The following DCAF8L2 variants were observed in gnomAD, a reference collection of about 807,000 sequenced individuals.
The protein encoded by DCAF8L2 is DDB1 and CUL4 associated factor 8 like 2, also known as DDB1- and CUL4-associated factor 8-like protein 2.
For synonymous variants in DCAF8L2, 200 were observed against 190.9 expected, an observed-to-expected ratio of 1.05 and a Z score of -0.39; for missense variants, 430 against 490.7, an observed-to-expected ratio of 0.88 and a Z score of 1.17.
the DCAF8L2 span, among the ~76,000 whole-genome samples, chrX:27,581,677 G>A: frequency 1.9e-5 from 2 of 107,689 alleles, no homozygotes; most frequent in African/African-American, 3.4e-5. Context: ...CCCACCTCCC[G>A]GGTTCAAGTG....
chrX:27,526,161 A>G, the DCAF8L2 span, among the ~76,000 whole-genome samples: 3 of 112,029 alleles, frequency 2.7e-5, no homozygotes, highest in African/African-American at 9.7e-5. Context: ...TTTCAGGTAC[A>G]CCAATCAGAC....
intron 4 of DCAF8L2, among the ~76,000 whole-genome samples, chrX:27,732,730 A>G (rs1202768034): frequency 9.0e-6 from 1 of 111,608 alleles, no homozygotes; most frequent in Non-Finnish European, 1.9e-5. Context: ...CTTTAGGTAT[A>G]TAACCAGAAA....
intron 3 of DCAF8L2, among the ~76,000 whole-genome samples, chrX:27,706,244 T>TTTATTA (rs762646134): frequency 9.0e-6 from 1 of 111,164 alleles, no homozygotes; most frequent in African/African-American, 3.3e-5. Flanking sequence ...CTCCAGTTTC[T>TTTATTA]TTATGATTAT....
the DCAF8L2 span, among the ~76,000 whole-genome samples, chrX:27,527,031 A>G: frequency 1.8e-5 from 2 of 111,824 alleles, no homozygotes; most frequent in Non-Finnish European, 3.8e-5. Context: ...ATGCTAGGAG[A>G]ACCACTACTC....
In DCAF8L2 at chrX:27,747,300, G is replaced by A. The variant is rs866365853; in HGVS notation, c.405G>A (p.Glu135=). The A allele has an allele frequency of 2.3e-5, 25 of 1,084,637 alleles. No individual in the cohort carries two copies. Among genetic ancestry groups the A allele is most frequent in the Non-Finnish European group, 2.9e-5 (24 of 822,951 alleles). The allele number at this position is 1,084,637 out of a possible 1,213,427, so 89.4% of individuals were successfully genotyped here. ...AGGAGGAAGAGGAGGAGGAGGAGGA[G>A]GAGGAGGAGGAGGAGGAGGAGGAGG... ...GEEEEEEEEE[E]EEEEEEEEEE... The change falls in exon 5 of 5, where the codon GAG becomes GAA. Residue 135 remains glutamate, a synonymous_variant. Coordinates refer to ENST00000451261, the MANE Select transcript of DCAF8L2 (RefSeq NM_001353450.2).
chrX:27,604,856 G>A (rs1482513464), intron 1 of DCAF8L2, among the ~76,000 whole-genome samples: 1 of 112,102 alleles, frequency 8.9e-6, no homozygotes, highest in African/African-American at 3.2e-5. Flanking sequence ...ATAATAGGCA[G>A]TCTGATGGTG....
chrX:27,629,994 T>C (rs1293035104), intron 1 of DCAF8L2, among the ~76,000 whole-genome samples: 1 of 111,801 alleles, frequency 8.9e-6, no homozygotes, highest in Non-Finnish European at 1.9e-5. Context: ...CAATCTTTTG[T>C]AGTTTTCAGT....
chrX:27,470,993 A>G, the DCAF8L2 span, among the ~76,000 whole-genome samples: 10 of 111,499 alleles, frequency 9.0e-5, no homozygotes, highest in Non-Finnish European at 1.7e-4. Context: ...ATTCGATGTC[A>G]TTAACACCAC....
the DCAF8L2 span, among the ~76,000 whole-genome samples, chrX:27,522,918 C>G: frequency 6.7e-4 from 75 of 111,547 alleles, no homozygotes; most frequent in African/African-American, 2.3e-3. Context: ...CTTACTAGCC[C>G]GTTCATGTAC....
At chrX:27,595,557 A>G (rs913469573) in intron 1 of DCAF8L2, among the ~76,000 whole-genome samples, 1 of 112,052 alleles carries the variant, frequency 8.9e-6, no homozygotes, top group African/African-American at 3.2e-5. Flanking sequence ...ATTTCCTGTC[A>G]TAACTCCATT....
intron 1 of DCAF8L2, among the ~76,000 whole-genome samples, chrX:27,623,356 G>GA (rs1343100966): frequency 1.4e-4 from 16 of 111,429 alleles, no homozygotes; most frequent in Non-Finnish European, 1.9e-5. Context: ...AGAGAAGATG[G>GA]AAAAGGCTGT....
At chrX:27,584,514 A>AC in the DCAF8L2 span, among the ~76,000 whole-genome samples, 1 of 108,686 alleles carries the variant, frequency 9.2e-6, no homozygotes, top group Non-Finnish European at 1.9e-5. Flanking sequence ...TTTAAAAAAA[A>AC]CACTATCTCA....
At chrX:27,692,692 T>C (rs1480882373) in intron 3 of DCAF8L2, among the ~76,000 whole-genome samples, 1 of 112,076 alleles carries the variant, frequency 8.9e-6, no homozygotes, top group Non-Finnish European at 1.9e-5. Context: ...GTTGTTTATC[T>C]ACTTTGGTGA....
intron 2 of DCAF8L2, chrX:27,633,445 C>G (rs1238173540): frequency 8.9e-6 from 1 of 111,791 alleles, no homozygotes; most frequent in Non-Finnish European, 1.9e-5. Flanking sequence ...AGAATATAAG[C>G]CAATAGAGCC....
the DCAF8L2 span, among the ~76,000 whole-genome samples, chrX:27,547,883 C>CTCTCTT: frequency 2.2e-4 from 8 of 36,175 alleles, no homozygotes; most frequent in South Asian, 6.4e-3. Context: ...CTCTCTCTCT[C>CTCTCTT]TCTCTCTTTC....
chrX:27,567,546 CAT>C, the DCAF8L2 span, among the ~76,000 whole-genome samples: 2,282 of 29,500 alleles, frequency 0.077, 60 homozygotes, highest in African/African-American at 0.13. Context: ...ACCACTGTAG[CAT>C]ATATATATAT....
intron 3 of DCAF8L2, among the ~76,000 whole-genome samples, chrX:27,684,054 CTTTCATTGAATACCTTT>C (rs1174701238): frequency 9.8e-5 from 11 of 112,630 alleles, no homozygotes; most frequent in Non-Finnish European, 1.7e-4. Context: ...ACTGCATGAC[CTTTCATTGAATACCTTT>C]TTTCATTGAA....
chrX:27,506,009 G>A, the DCAF8L2 span, among the ~76,000 whole-genome samples: 2 of 112,146 alleles, frequency 1.8e-5, no homozygotes, highest in Non-Finnish European at 3.8e-5. Context: ...AAAATGAAAT[G>A]TGAATTTAAA....
intron 1 of DCAF8L2, among the ~76,000 whole-genome samples, chrX:27,628,056 A>G (rs756169611): frequency 4.5e-5 from 5 of 111,617 alleles, no homozygotes; most frequent in Non-Finnish European, 9.4e-5. Context: ...TTCATCTAGC[A>G]TAACGTACTT....
Sources: gnomAD v4.1 joint callset for allele counts (sites outside exome capture counted in the v4.1 genomes callset) on GRCh38, gnomAD v4.1.1 for gene constraint, MANE v1.5 for transcripts, NCBI Gene and HGNC (gene_info 2026-07-23, HGNC 2026-07-21) for gene names.